Variants in ROBO2 observed in about 807,000 individuals in gnomAD.
ROBO2 encodes roundabout homolog 2.
ROBO2 carries 53 observed loss-of-function variants against 160.8 expected under a neutral mutation model. The observed-to-expected ratio is 0.33, with a 90% CI of 0.26 to 0.41. The LOEUF (loss-of-function observed/expected upper bound fraction) is 0.41, where lower values mean the gene tolerates loss of function less well. Ranked by LOEUF, ROBO2 falls within the 10% of genes least tolerant of loss-of-function variation. The pLI, the probability that ROBO2 is intolerant of heterozygous loss-of-function variation, is 1.00. For missense variants in ROBO2, 1,577 were observed against 1,722.4 expected (o/e 0.92, Z 1.49); for synonymous variants, 664 against 611.7 (o/e 1.09, Z -1.26).
chr3:76,164,771 A>T (rs76181007), intron 2 of ROBO2, among the ~76,000 whole-genome samples: 1 of 152,304 alleles, frequency 6.6e-6, no homozygotes, highest in Non-Finnish European at 1.5e-5. Flanking sequence ...TAAGGGCCCT[A>T]GGGTCTTTGA....
rs570527278 is a variant in ROBO2 at position 77,089,433 on chromosome 3, G to A, written c.62-8581G>A. ...ACAACTGGAAACTTTCAGAATCAAGGCTGCCTGTTGAGTTTGACAAACCTC... is the reference window on the plus strand; with the variant it reads ...ACAACTGGAAACTTTCAGAATCAAGACTGCCTGTTGAGTTTGACAAACCTC... On this transcript the variant is annotated intron_variant, in intron 1 of 25. Transcript: ENST00000461745. Among the ~76,000 whole-genome samples, 16 of 152,216 alleles carry A rather than the reference G, an allele frequency of 1.1e-4. No homozygotes were observed. In the South Asian group the frequency reaches 3.3e-3, roughly 32 times the overall value.
At chr3:77,239,305 C>T (rs1415397778) in intron 2 of ROBO2, among the ~76,000 whole-genome samples, 2 of 151,736 alleles carry the variant, frequency 1.3e-5, no homozygotes, top group African/African-American at 2.4e-5. Context: ...TAAGGCAGCG[C>T]GTCTAGAGTT....
At chr3:77,473,279 C>T (rs1465632249) in intron 2 of ROBO2, among the ~76,000 whole-genome samples, 2 of 151,330 alleles carry the variant, frequency 1.3e-5, no homozygotes, top group African/African-American at 2.4e-5. Flanking sequence ...GCACCTGTGG[C>T]GGAAGAAAAA....
chr3:77,416,164 G>A (rs1018236232), intron 2 of ROBO2, among the ~76,000 whole-genome samples: 1 of 152,186 alleles, frequency 6.6e-6, no homozygotes. Flanking sequence ...GTGGCCCTTT[G>A]TGTGAGGGGG....
intron 12 of ROBO2, among the ~76,000 whole-genome samples, chr3:77,565,992 C>T (rs1214873021): frequency 1.3e-5 from 2 of 151,958 alleles, no homozygotes; most frequent in African/African-American, 4.8e-5. Flanking sequence ...TTGTTATAAC[C>T]TACTTCCCAC....
intron 2 of ROBO2, among the ~76,000 whole-genome samples, chr3:76,508,608 T>A (rs1322162070): frequency 6.6e-6 from 1 of 152,192 alleles, no homozygotes; most frequent in African/African-American, 2.4e-5. Flanking sequence ...CTATTTATTT[T>A]AGTACAAATG....
intron 2 of ROBO2, among the ~76,000 whole-genome samples, chr3:77,164,939 G>A (rs1164985864): frequency 8.4e-6 from 1 of 119,178 alleles, no homozygotes; most frequent in Non-Finnish European, 2.0e-5. Flanking sequence ...GGGAGGTGGG[G>A]GCGGTCAGCC....
intron 2 of ROBO2, among the ~76,000 whole-genome samples, chr3:76,805,015 A>C (rs1228066116): frequency 6.6e-6 from 1 of 152,114 alleles, no homozygotes; most frequent in Non-Finnish European, 1.5e-5. Context: ...TTTTTGTGAT[A>C]ATCCCAAAAT....
intron 2 of ROBO2, among the ~76,000 whole-genome samples, chr3:76,320,234 C>T (rs2072404654): frequency 6.6e-6 from 1 of 152,058 alleles, no homozygotes; most frequent in Non-Finnish European, 1.5e-5. Context: ...TGAATGACTA[C>T]ATTTTGAATT....
chr3:76,653,861 A>G (rs564009245), intron 2 of ROBO2, among the ~76,000 whole-genome samples: 1 of 152,172 alleles, frequency 6.6e-6, no homozygotes, highest in Non-Finnish European at 1.5e-5. Context: ...TTACCACCGA[A>G]GATTCAGCTA....
chr3:77,445,635 G>A (rs1462790403), intron 2 of ROBO2, among the ~76,000 whole-genome samples: 4 of 151,908 alleles, frequency 2.6e-5, no homozygotes, highest in Admixed American at 2.6e-4. Flanking sequence ...GAAAATAAGT[G>A]AACAATTTAA....
intron 2 of ROBO2, among the ~76,000 whole-genome samples, chr3:77,363,224 G>C (rs1012387473): frequency 3.9e-5 from 6 of 152,156 alleles, no homozygotes; most frequent in Non-Finnish European, 7.4e-5. Flanking sequence ...TCAATGGAAA[G>C]ATCTACCAAG....
intron 2 of ROBO2, among the ~76,000 whole-genome samples, chr3:76,429,763 C>T (rs2076362658): frequency 6.6e-6 from 1 of 152,126 alleles, no homozygotes; most frequent in Non-Finnish European, 1.5e-5. Context: ...GACTATAAAT[C>T]AGGGGGCACA....
chr3:77,131,721 A>C (rs2075871492), intron 2 of ROBO2, among the ~76,000 whole-genome samples: 1 of 152,202 alleles, frequency 6.6e-6, no homozygotes, highest in Admixed American at 6.5e-5. Context: ...TGTCTAGCAT[A>C]GTTATCAATG....
intron 2 of ROBO2, among the ~76,000 whole-genome samples, chr3:76,017,625 T>A (rs2066441168): frequency 1.3e-5 from 2 of 152,128 alleles, no homozygotes; most frequent in South Asian, 4.1e-4. Flanking sequence ...CCAAACACTT[T>A]GTCATATTTT....
chr3:76,434,516 G>A, intron 2 of ROBO2: 1 of 1,565,224 alleles, frequency 6.4e-7, no homozygotes, highest in Non-Finnish European at 8.8e-7. Flanking sequence ...AGAGTACAAA[G>A]ATGTGGATAA....
intron 2 of ROBO2, among the ~76,000 whole-genome samples, chr3:77,132,814 G>A (rs1431575296): frequency 6.6e-6 from 1 of 152,014 alleles, no homozygotes; most frequent in Non-Finnish European, 1.5e-5. Context: ...CATGTAAACC[G>A]TGTGTGGTAA....
intron 2 of ROBO2, among the ~76,000 whole-genome samples, chr3:76,826,073 C>T (rs2066566852): frequency 6.9e-6 from 1 of 145,786 alleles, no homozygotes; most frequent in African/African-American, 2.5e-5. Flanking sequence ...TTTTAAGTGG[C>T]TGTAATAGTG....
intron 2 of ROBO2, among the ~76,000 whole-genome samples, chr3:76,976,163 G>T (rs1404707806): frequency 2.0e-5 from 3 of 152,122 alleles, no homozygotes; most frequent in Non-Finnish European, 4.4e-5. Flanking sequence ...GATAGAAGTA[G>T]AAACTAAAAA....
Sources: allele counts gnomAD v4.1 joint callset (sites outside exome capture counted in the v4.1 genomes callset), GRCh38; gene constraint gnomAD v4.1.1; transcripts MANE v1.5; gene names NCBI Gene and HGNC (gene_info 2026-07-23, HGNC 2026-07-21).